The following SIRT1 variants were observed in gnomAD, a reference collection of about 807,000 sequenced individuals.
The protein encoded by SIRT1 is NAD-dependent protein deacetylase sirtuin-1.
In SIRT1, 24 loss-of-function variants were observed where a neutral mutation model predicts 67.9. That is an observed-to-expected ratio of 0.35 (90% CI 0.26 to 0.50). SIRT1 has a LOEUF of 0.50. Ranked by LOEUF, SIRT1 falls within the 20% of genes least tolerant of loss-of-function variation. The pLI is 0.98. For missense variants in SIRT1, 873 were observed against 937.2 expected (o/e 0.93, Z 0.89); for synonymous variants, 378 against 350.7 (o/e 1.08, Z -0.87).
chr10:67,888,039 C>G (rs75795785), intron 2 of SIRT1, among the ~76,000 whole-genome samples: 161 of 152,266 alleles, frequency 1.1e-3, no homozygotes, highest in African/African-American at 3.3e-3. Context: ...AATATAAGTT[C>G]TACGGGAGCA....
chr10:67,908,271 A>G, intron 6 of SIRT1, 146 bp downstream of exon 6: 1 of 605,434 alleles, frequency 1.7e-6, no homozygotes, highest in Non-Finnish European at 2.8e-6. Flanking sequence ...ATTTTGGTAA[A>G]ATACACGAGA....
At chr10:67,902,537 A>G (rs1343551480) in intron 4 of SIRT1, among the ~76,000 whole-genome samples, 6 of 152,356 alleles carry the variant, frequency 3.9e-5, no homozygotes, top group African/African-American at 1.4e-4. Flanking sequence ...TCATATGACC[A>G]ATTTATTAGT....
rs201857374 is a variant in SIRT1, at chr10:67,884,680, G to A, written c.-42G>A. On this transcript the variant is annotated 5_prime_UTR_variant, in exon 1 of 9. Coordinates refer to ENST00000212015, the MANE Select transcript of SIRT1 (RefSeq NM_012238.5). ...CGCCAGTGCCGCGCGTCGAGCGGGAGCAGAGGAGGCGAGGGAGGAGGGCCA... is the reference window on the plus strand; with the variant it reads ...CGCCAGTGCCGCGCGTCGAGCGGGAACAGAGGAGGCGAGGGAGGAGGGCCA... The A allele has an allele frequency of 3.7e-5, 45 of 1,226,738 alleles. No homozygotes were observed. Among genetic ancestry groups the A allele is most frequent in the Non-Finnish European group, 4.1e-6 (4 of 984,924 alleles). 76.0% of individuals were successfully genotyped at this position (1,226,738 alleles called of 1,614,324 possible).
chr10:67,885,466 C>G (rs979155157), intron 1 of SIRT1: 1 of 1,083,088 alleles, frequency 9.2e-7, no homozygotes, highest in Non-Finnish European at 1.2e-6. Context: ...TAGCATATTG[C>G]TTTTGTTAGA....
chr10:67,890,769 A>T (rs1460416835), intron 3 of SIRT1, among the ~76,000 whole-genome samples: 1 of 150,370 alleles, frequency 6.7e-6, no homozygotes, highest in African/African-American at 2.5e-5. Context: ...GGTGGCTCAC[A>T]CCTGTAATCC....
At chr10:67,906,223 A>G (rs1842818305) in intron 4 of SIRT1, 1 of 1,497,920 alleles carries the variant, frequency 6.7e-7, no homozygotes, top group South Asian at 1.4e-5. Flanking sequence ...CCAGCAACTC[A>G]GCATTCATGA....
At chr10:67,901,235 C>A (rs1451873884) in intron 4 of SIRT1, among the ~76,000 whole-genome samples, 1 of 152,048 alleles carries the variant, frequency 6.6e-6, no homozygotes, top group East Asian at 1.9e-4. Flanking sequence ...TGGCCTCAAG[C>A]GATCCTCCCA....
rs772656917 is a variant in SIRT1, at chr10:67,912,617, T to C, written c.1501T>C (p.Cys501Arg). ...GTTAGGTGGTGAATATGCCAAACTT[T>C]GCTGTAACCCTGTAAAGCTTTCAGA... is the stretch of plus-strand genomic sequence containing the variant. ...HRLGGEYAKL[C>R]CNPVKLSEIT... is the part of the protein sequence containing the mutation. The change falls in exon 8 of 9, where the codon TGC (cysteine) becomes CGC (arginine). Residue 501 changes from cysteine to arginine, a missense_variant. Around this residue, in one of 3 missense-constraint regions of SIRT1, gnomAD observed 295 missense variants for 294.5 expected, o/e 1.00. Transcript: ENST00000212015. 3 of 1,614,028 alleles carry C rather than the reference T, an allele frequency of 1.9e-6. No individual in the cohort carries two copies. The highest frequency in any genetic ancestry group is 2.7e-5 in the African/African-American group (2 of 74,920).
Position 67,912,917 on chromosome 10 carries a change from A to G in SIRT1, c.1801A>G (p.Lys601Glu). The part of the protein sequence containing the change: ...IAEQMENPDL[K>E]NVGSSTGEKN... Reference sequence around the variant, plus strand: ...TGAACAGATGGAAAATCCGGATTTGAAGAATGTTGGTTCTAGTACTGGGGA... The same window carrying G: ...TGAACAGATGGAAAATCCGGATTTGGAGAATGTTGGTTCTAGTACTGGGGA... The change falls in exon 8 of 9, where the codon AAG (lysine) becomes GAG (glutamate). Residue 601 changes from lysine to glutamate, a missense_variant. This residue lies in a region of SIRT1 where 295 missense variants were observed against 294.5 expected (regional missense o/e 1.00). Transcript: ENST00000212015. The G allele has an allele frequency of 6.2e-7, 1 of 1,614,178 alleles. No individual in the cohort carries two copies. Among genetic ancestry groups the G allele is most frequent in the Non-Finnish European group, 8.5e-7 (1 of 1,180,034 alleles).
chr10:67,891,352 C>CT, intron 3 of SIRT1, 50 bp from the exon 4 acceptor site: 1 of 1,560,282 alleles, frequency 6.4e-7, no homozygotes, highest in Non-Finnish European at 8.8e-7. Flanking sequence ...TAGCTAGTTC[C>CT]TATAAAGGTA....
chr10:67,896,027 C>T (rs977471365), intron 4 of SIRT1, among the ~76,000 whole-genome samples: 2 of 152,024 alleles, frequency 1.3e-5, no homozygotes, highest in Non-Finnish European at 2.9e-5. Flanking sequence ...CGTGAGTCTC[C>T]CACGCCCAGC....
chr10:67,909,856 T>C (rs1373182682), intron 7 of SIRT1, among the ~76,000 whole-genome samples: 1 of 151,820 alleles, frequency 6.6e-6, no homozygotes. Flanking sequence ...ATTACAGGCA[T>C]GAGCCCCCAT....
intron 4 of SIRT1, among the ~76,000 whole-genome samples, chr10:67,905,555 C>G (rs918834591): frequency 9.9e-5 from 15 of 152,034 alleles, no homozygotes; most frequent in African/African-American, 3.1e-4. Flanking sequence ...CTAGAAGTTG[C>G]AGTGGGAATT....
At chr10:67,895,274 A>T (rs754280151) in intron 4 of SIRT1, among the ~76,000 whole-genome samples, 5 of 152,076 alleles carry the variant, frequency 3.3e-5, no homozygotes, top group Non-Finnish European at 7.3e-5. Context: ...TACAAAAATC[A>T]GCCAGGCTTG....
intron 4 of SIRT1, among the ~76,000 whole-genome samples, chr10:67,894,044 A>T (rs1002810287): frequency 6.6e-6 from 1 of 152,182 alleles, no homozygotes; most frequent in African/African-American, 2.4e-5. Flanking sequence ...GGAAGCTGAG[A>T]TAGGAAGATC....
At chr10:67,916,197 A>T in intron 8 of SIRT1, 68 bp from the exon 9 acceptor site, 1 of 1,376,522 alleles carries the variant, frequency 7.3e-7, no homozygotes, top group Non-Finnish European at 1.0e-6. Context: ...CCCACACTTC[A>T]TTCCAGACTG....
chr10:67,896,805 A>G (rs778163565), intron 4 of SIRT1, among the ~76,000 whole-genome samples: 40 of 149,980 alleles, frequency 2.7e-4, no homozygotes, highest in Non-Finnish European at 5.2e-4. Flanking sequence ...GTCTCCACCT[A>G]CGTTTGTATC....
chr10:67,907,490 C>CAAAAAAAAAAA (rs373037115), intron 5 of SIRT1, among the ~76,000 whole-genome samples: 1 of 109,028 alleles, frequency 9.2e-6, no homozygotes, highest in African/African-American at 3.9e-5. Context: ...GAGACTCTGT[C>CAAAAAAAAAAA]AAAAAAAAAA....
chr10:67,885,493 TC>T (rs2131842966), intron 1 of SIRT1: 1 of 925,082 alleles, frequency 1.1e-6, no homozygotes, highest in African/African-American at 1.7e-5. Flanking sequence ...TTTTTCTTTT[TC>T]TTTATTTTTT....
Sources: gnomAD v4.1 joint callset for allele counts (sites outside exome capture counted in the v4.1 genomes callset) on GRCh38, gnomAD v4.1.1 for gene constraint, gnomAD v4.1.1 regional missense constraint, MANE v1.5 for transcripts, NCBI Gene and HGNC (gene_info 2026-07-23, HGNC 2026-07-21) for gene names.